Variants in CPQ observed in about 807,000 individuals in gnomAD.
CPQ encodes Ser-Met dipeptidase.
Under a neutral mutation model 45.7 loss-of-function variants are expected in CPQ, and 37 were observed. The observed-to-expected ratio is 0.81, with a 90% CI of 0.62 to 1.07. The LOEUF is 1.07. Ranked by LOEUF, CPQ falls within the 50% of genes least tolerant of loss-of-function variation. The pLI is 0.00. For missense variants in CPQ, 537 were observed against 572.9 expected (o/e 0.94, Z 0.64); for synonymous variants, 186 against 205.8 (o/e 0.90, Z 0.82).
At chr8:96,910,317 A>G (rs1253062618) in intron 4 of CPQ, among the ~76,000 whole-genome samples, 4 of 152,174 alleles carry the variant, frequency 2.6e-5, no homozygotes, top group African/African-American at 7.2e-5. Context: ...GCTTTTGCTT[A>G]CTATGTCATA....
At chr8:96,853,079 C>A (rs1368172292) in intron 3 of CPQ, among the ~76,000 whole-genome samples, 1 of 152,158 alleles carries the variant, frequency 6.6e-6, no homozygotes, top group Admixed American at 6.5e-5. Flanking sequence ...AGGACTGTTA[C>A]CTAAGCTGCA....
At chr8:96,898,483 T>G (rs965392878) in intron 4 of CPQ, among the ~76,000 whole-genome samples, 8 of 152,112 alleles carry the variant, frequency 5.3e-5, no homozygotes, top group African/African-American at 1.9e-4. Flanking sequence ...AATATCCAAC[T>G]ATTCAAATTA....
chr8:96,877,845 T>C (rs1418603727), intron 3 of CPQ, among the ~76,000 whole-genome samples: 3 of 152,224 alleles, frequency 2.0e-5, no homozygotes, highest in Non-Finnish European at 4.4e-5. Flanking sequence ...GAATTTGGAA[T>C]AGATTATATG....
At chr8:96,704,226 T>C (rs1343407794) in intron 1 of CPQ, among the ~76,000 whole-genome samples, 2 of 152,168 alleles carry the variant, frequency 1.3e-5, no homozygotes, top group East Asian at 3.8e-4. Flanking sequence ...ATCTCCATAT[T>C]ATGTGAAATT....
chr8:96,905,274 C>A (rs938242677), intron 4 of CPQ, among the ~76,000 whole-genome samples: 1 of 152,108 alleles, frequency 6.6e-6, no homozygotes, highest in African/African-American at 2.4e-5. Flanking sequence ...CCCCATGATC[C>A]AATCACCTCC....
At chr8:96,822,365 G>A (rs1184885020) in intron 2 of CPQ, among the ~76,000 whole-genome samples, 1 of 151,990 alleles carries the variant, frequency 6.6e-6, no homozygotes, top group South Asian at 2.1e-4. Flanking sequence ...AATGAACATA[G>A]GAGTGCAGGT....
At chr8:97,090,183 A>T (rs1291644086) in intron 7 of CPQ, among the ~76,000 whole-genome samples, 1 of 152,196 alleles carries the variant, frequency 6.6e-6, no homozygotes, top group East Asian at 1.9e-4. Flanking sequence ...GACCTGGGTG[A>T]GTTCCAGGGC....
intron 2 of CPQ, among the ~76,000 whole-genome samples, chr8:96,821,254 T>G (rs1357709012): frequency 6.6e-6 from 1 of 151,752 alleles, no homozygotes; most frequent in African/African-American, 2.4e-5. Flanking sequence ...GTCTTTTCAC[T>G]TTGTCGATTG....
At chr8:96,870,405 C>A (rs1812051775) in intron 3 of CPQ, among the ~76,000 whole-genome samples, 1 of 151,914 alleles carries the variant, frequency 6.6e-6, no homozygotes, top group Admixed American at 6.6e-5. Context: ...TTATTTAGCC[C>A]ACTATGTATC....
At chr8:96,837,529 C>G (rs1444784288) in intron 3 of CPQ, among the ~76,000 whole-genome samples, 2 of 152,128 alleles carry the variant, frequency 1.3e-5, no homozygotes, top group African/African-American at 4.8e-5. Context: ...CACTCTCACT[C>G]TCTTCTCTAT....
At chr8:97,101,848 T>C (rs574216436) in intron 7 of CPQ, among the ~76,000 whole-genome samples, 1 of 151,876 alleles carries the variant, frequency 6.6e-6, no homozygotes, top group African/African-American at 2.4e-5. Flanking sequence ...AATATCTCAA[T>C]CTCCCTTCCC....
chr8:96,742,344 C>G (rs1406158215), intron 1 of CPQ, among the ~76,000 whole-genome samples: 4 of 152,140 alleles, frequency 2.6e-5, no homozygotes, highest in African/African-American at 9.7e-5. Flanking sequence ...CTTTCTCCAT[C>G]CTTTTATTTT....
intron 2 of CPQ, among the ~76,000 whole-genome samples, chr8:96,789,131 T>C (rs1308193998): frequency 1.3e-5 from 2 of 152,116 alleles, no homozygotes; most frequent in Non-Finnish European, 2.9e-5. Flanking sequence ...ATATCCTACA[T>C]CTGGGCCCCC....
At chr8:96,685,756 G>A (rs963313180) in intron 1 of CPQ, among the ~76,000 whole-genome samples, 1 of 151,974 alleles carries the variant, frequency 6.6e-6, no homozygotes, top group African/African-American at 2.4e-5. Context: ...GTTTCAAATA[G>A]TGTTAATTGT....
At chr8:97,098,369 C>T (rs1811243629) in intron 7 of CPQ, among the ~76,000 whole-genome samples, 1 of 152,086 alleles carries the variant, frequency 6.6e-6, no homozygotes. Flanking sequence ...TCATCAACTC[C>T]AAAGGGCTTT....
chr8:96,798,643 C>T (rs1431276270), intron 2 of CPQ, among the ~76,000 whole-genome samples: 1 of 151,960 alleles, frequency 6.6e-6, no homozygotes, highest in African/African-American at 2.4e-5. Context: ...CTAACCCTAA[C>T]CCTGACCTTA....
At position 96,865,472 on chromosome 8, in the gene CPQ, C is replaced by T. The variant is rs1438619431; in HGVS notation, c.642-14326C>T. ...CAGGTATCTCATGCCTTATGCCCAG[C>T]GGGACCCTTCCTGGTGTGTATGGTC... On this transcript the variant is annotated intron_variant, in intron 3 of 7. Transcript: ENST00000220763. Among the ~76,000 whole-genome samples the T allele has an allele frequency of 3.9e-5, 6 of 151,978 alleles. No homozygotes were observed. In the East Asian group the frequency reaches 5.8e-4, roughly 15 times the overall value.
At chr8:97,032,680 C>A (rs1283024158) in intron 6 of CPQ, among the ~76,000 whole-genome samples, 1 of 152,204 alleles carries the variant, frequency 6.6e-6, no homozygotes, top group Admixed American at 6.5e-5. Context: ...TTGAGATCAG[C>A]TCTGTGAGCT....
At chr8:96,858,852 T>A (rs545450071) in intron 3 of CPQ, among the ~76,000 whole-genome samples, 2 of 152,338 alleles carry the variant, frequency 1.3e-5, no homozygotes, top group East Asian at 3.9e-4. Context: ...GAGTTTGATC[T>A]ATATTCTTCC....
Sources: allele counts gnomAD v4.1 joint callset (sites outside exome capture counted in the v4.1 genomes callset), GRCh38; gene constraint gnomAD v4.1.1; transcripts MANE v1.5; gene names NCBI Gene and HGNC (gene_info 2026-07-23, HGNC 2026-07-21).